Variants in RBFOX1 observed in about 807,000 individuals in gnomAD.
RBFOX1 encodes the protein RNA binding fox-1 homolog 1.
Under a neutral mutation model 57.7 loss-of-function variants are expected in RBFOX1, and 8 were observed. The observed-to-expected ratio is 0.14, with a 90% CI of 0.08 to 0.25. The LOEUF (loss-of-function observed/expected upper bound fraction) is 0.25, where lower values mean the gene tolerates loss of function less well. Among genes scored for constraint, RBFOX1 ranks in the 10% least tolerant of loss-of-function variants. The pLI is 1.00. For missense variants in RBFOX1, 611 were observed against 548.5 expected (o/e 1.11, Z -1.14); for synonymous variants, 326 against 222.4 (o/e 1.47, Z -4.15).
chr16:7,405,979 G>T (rs892124781), intron 4 of RBFOX1, among the ~76,000 whole-genome samples: 1 of 152,130 alleles, frequency 6.6e-6, no homozygotes, highest in East Asian at 1.9e-4. Context: ...AGTAGGTAGA[G>T]CCTGAGATGC....
intron 2 of RBFOX1, among the ~76,000 whole-genome samples, chr16:5,557,318 G>A (rs1037154590): frequency 2.0e-5 from 3 of 150,826 alleles, no homozygotes; most frequent in African/African-American, 4.9e-5. Flanking sequence ...TTTCTGAAAG[G>A]TTGTTTGCGT....
At chr16:6,154,584 T>C (rs2096825732) in intron 1 of RBFOX1, among the ~76,000 whole-genome samples, 1 of 152,198 alleles carries the variant, frequency 6.6e-6, no homozygotes, top group African/African-American at 2.4e-5. Context: ...ATCTTCTCCC[T>C]CTCTGGCATT....
intron 4 of RBFOX1, among the ~76,000 whole-genome samples, chr16:7,068,830 C>G (rs879627274): frequency 2.6e-5 from 4 of 152,202 alleles, no homozygotes; most frequent in Non-Finnish European, 5.9e-5. Context: ...CTCAAGTGGT[C>G]CACCTGCCAT....
chr16:7,321,162 C>T (rs1016960797), intron 4 of RBFOX1, among the ~76,000 whole-genome samples: 3 of 119,548 alleles, frequency 2.5e-5, no homozygotes, highest in South Asian at 3.1e-4. Context: ...TTTGAGACGG[C>T]GAGATGGTGT....
intron 4 of RBFOX1, among the ~76,000 whole-genome samples, chr16:7,241,257 A>G (rs1338826780): frequency 6.6e-6 from 1 of 152,130 alleles, no homozygotes; most frequent in Non-Finnish European, 1.5e-5. Context: ...GAATTCTGGC[A>G]TCTCAGTCTC....
chr16:7,083,610 C>A (rs1054349916), intron 4 of RBFOX1, among the ~76,000 whole-genome samples: 1 of 152,070 alleles, frequency 6.6e-6, no homozygotes, highest in African/African-American at 2.4e-5. Flanking sequence ...CTCAGATGCA[C>A]AAGAAACAAC....
intron 3 of RBFOX1, among the ~76,000 whole-genome samples, chr16:5,753,411 G>A (rs556250019): frequency 6.6e-6 from 1 of 152,268 alleles, no homozygotes; most frequent in East Asian, 1.9e-4. Context: ...ATATACTTGT[G>A]TAGAATTTTG....
intron 2 of RBFOX1, among the ~76,000 whole-genome samples, chr16:6,497,545 C>A (rs964364732): frequency 6.8e-6 from 1 of 146,606 alleles, no homozygotes; most frequent in Non-Finnish European, 1.5e-5. Flanking sequence ...TCCTTTACAC[C>A]GATTTTTGAA....
At chr16:5,542,422 T>C (rs1427108289) in intron 2 of RBFOX1, among the ~76,000 whole-genome samples, 1 of 151,456 alleles carries the variant, frequency 6.6e-6, no homozygotes, top group East Asian at 1.9e-4. Flanking sequence ...CTAATTTTTT[T>C]TTTTTTTTGT....
chr16:7,197,050 A>C (rs2086878540), intron 4 of RBFOX1, among the ~76,000 whole-genome samples: 1 of 152,208 alleles, frequency 6.6e-6, no homozygotes. Context: ...TCTTTCAGCC[A>C]GTTGCTCCTT....
intron 1 of RBFOX1, among the ~76,000 whole-genome samples, chr16:5,407,073 G>A (rs1385184574): frequency 1.3e-5 from 2 of 152,148 alleles, no homozygotes; most frequent in African/African-American, 2.4e-5. Context: ...GGGTGGGGAG[G>A]CCTCAGGAAA....
At chr16:6,103,733 C>A (rs2096343255) in intron 1 of RBFOX1, among the ~76,000 whole-genome samples, 1 of 152,124 alleles carries the variant, frequency 6.6e-6, no homozygotes, top group African/African-American at 2.4e-5. Context: ...TTCCTCACTT[C>A]CACCTGCATG....
At chr16:7,368,360 C>G (rs1208233998) in intron 4 of RBFOX1, among the ~76,000 whole-genome samples, 1 of 151,788 alleles carries the variant, frequency 6.6e-6, no homozygotes, top group Non-Finnish European at 1.5e-5. Flanking sequence ...CCCTGTTTAT[C>G]TTCAAAAGTG....
At chr16:5,544,477 C>G (rs937703782) in intron 2 of RBFOX1, among the ~76,000 whole-genome samples, 1 of 151,928 alleles carries the variant, frequency 6.6e-6, no homozygotes, top group African/African-American at 2.4e-5. Context: ...CAATTTCACT[C>G]TAAGAGACTA....
At position 5,759,377 on chromosome 16, in the gene RBFOX1, C is replaced by G. The variant is rs958437139; in HGVS notation, c.319-107926C>G. Among the ~76,000 whole-genome samples the G allele has an allele frequency of 7.8e-4, 119 of 152,292 alleles. 1 individual carries two copies. The highest frequency in any genetic ancestry group is 2.7e-3 in the African/African-American group (112 of 41,576). On this transcript the variant is annotated intron_variant, in intron 3 of 19. Transcript: ENST00000641259. ...GCTTGTATTTCCTTGGTGGATCCTC[C>G]TCCACGTCTCTCACCACCTTGTACA...
chr16:6,022,999 T>G (rs7200631), intron 1 of RBFOX1, among the ~76,000 whole-genome samples: 88,559 of 151,508 alleles, frequency 0.58, 29,356 homozygotes, highest in Non-Finnish European at 0.73. Context: ...GGATCTAAAA[T>G]CGTCAAACTC....
intron 4 of RBFOX1, among the ~76,000 whole-genome samples, chr16:7,501,027 C>A (rs1365706404): frequency 6.6e-6 from 1 of 152,174 alleles, no homozygotes; most frequent in African/African-American, 2.4e-5. Context: ...CCCCTTCCAC[C>A]ATGATTGTAA....
chr16:6,641,119 C>G (rs1277316191), intron 2 of RBFOX1, among the ~76,000 whole-genome samples: 1 of 152,164 alleles, frequency 6.6e-6, no homozygotes, highest in Admixed American at 6.5e-5. Context: ...TAATTGCATC[C>G]TCAAAACCTT....
At chr16:5,802,678 C>T (rs540129796) in intron 3 of RBFOX1, among the ~76,000 whole-genome samples, 3 of 152,198 alleles carry the variant, frequency 2.0e-5, no homozygotes, top group African/African-American at 7.2e-5. Context: ...TAGGGAAGAA[C>T]ACGATAGCTT....
Sources: allele counts gnomAD v4.1 joint callset (sites outside exome capture counted in the v4.1 genomes callset), GRCh38; gene constraint gnomAD v4.1.1; transcripts MANE v1.5; gene names NCBI Gene and HGNC (gene_info 2026-07-23, HGNC 2026-07-21).